The following PCSK6 variants were observed in gnomAD, a reference collection of about 807,000 sequenced individuals.
PCSK6 encodes the protein paired basic amino acid cleaving enzyme 4.
Under a neutral mutation model 123.3 loss-of-function variants are expected in PCSK6, and 85 were observed. The ratio of observed to expected loss-of-function variants is 0.69; its 90% CI spans 0.58 to 0.83. The LOEUF (loss-of-function observed/expected upper bound fraction) is 0.83. Ranked by LOEUF, PCSK6 falls within the 40% of genes least tolerant of loss-of-function variation. The probability of loss-of-function intolerance (pLI) is 0.00; values close to 1 mark genes in which losing one functional copy is unlikely to be tolerated. For synonymous variants in PCSK6, 508 were observed against 516.0 expected (o/e 0.98, Z 0.21); for missense variants, 1,191 against 1,282.3 (o/e 0.93, Z 1.09).
At chr15:101,379,518 T>G (rs1241952178) in intron 11 of PCSK6, among the ~76,000 whole-genome samples, 1 of 152,144 alleles carries the variant, frequency 6.6e-6, no homozygotes, top group African/African-American at 2.4e-5. Context: ...GAGGGGTGTA[T>G]AAAGAGGCAT....
At chr15:101,482,002 AC>A (rs1307532511) in intron 1 of PCSK6, among the ~76,000 whole-genome samples, 1 of 152,218 alleles carries the variant, frequency 6.6e-6, no homozygotes, top group African/African-American at 2.4e-5. Flanking sequence ...GTTCACGCAC[AC>A]GCATGTGCAC....
chr15:101,377,416 C>T (rs377578251), intron 11 of PCSK6, among the ~76,000 whole-genome samples: 27 of 152,314 alleles, frequency 1.8e-4, no homozygotes, highest in Admixed American at 1.0e-3. Context: ...AAGCAGCCTG[C>T]GGGAGCAGCT....
In PCSK6 at chr15:101,366,205, C is replaced by T; in HGVS notation, c.1849G>A (p.Glu617Lys). ...QDLPSQVRNP[E>K]KQGKLKEWSL... ...CCCAAGAGCCACTGACCTTGCTTCTCCGGGTTGCGGACCTGGGATGGCAGA... is the reference window on the plus strand; with the variant it reads ...CCCAAGAGCCACTGACCTTGCTTCTTCGGGTTGCGGACCTGGGATGGCAGA... Residue 617 changes from glutamate to lysine, a missense_variant, in exon 13 of 22, where the codon GAG (glutamate) becomes AAG (lysine). This residue lies in a region of PCSK6 where 630 missense variants were observed against 631.4 expected (regional missense o/e 1.00). Transcript: ENST00000611716. The T allele has an allele frequency of 6.2e-7, 1 of 1,612,356 alleles. No homozygotes were observed.
rs973140954 is a variant in PCSK6 at position 101,427,929 on chromosome 15, G to A, written c.786C>T (p.Tyr262=). The part of the protein sequence containing the change: ...GEVAASANNS[Y]CIVGIAYNAK... ...CATTGTACGCTATGCCCACGATGCA[G>A]TAGGAATTGTTTGCTGAAGCAGCAA... Residue 262 remains tyrosine (Y), a synonymous_variant, in exon 6 of 22, where the codon TAC becomes TAT. Transcript: ENST00000611716. The A allele has an allele frequency of 6.3e-7, 1 of 1,588,278 alleles. No homozygotes were observed. Among genetic ancestry groups the A allele is most frequent in the Admixed American group, 1.8e-5 (1 of 56,412 alleles).
intron 13 of PCSK6, among the ~76,000 whole-genome samples, chr15:101,338,257 G>A (rs2040527692): frequency 6.6e-6 from 1 of 152,138 alleles, no homozygotes; most frequent in South Asian, 2.1e-4. Context: ...GATGCTTATG[G>A]GTGACTTAGG....
intron 1 of PCSK6, among the ~76,000 whole-genome samples, chr15:101,468,828 C>T (rs1356781357): frequency 6.6e-6 from 1 of 152,210 alleles, no homozygotes; most frequent in African/African-American, 2.4e-5. Flanking sequence ...CACATCTGCA[C>T]TAGTGATGAC....
chr15:101,379,243 G>A (rs1038985752), intron 11 of PCSK6, among the ~76,000 whole-genome samples: 4 of 152,356 alleles, frequency 2.6e-5, no homozygotes, highest in Admixed American at 6.5e-5. Flanking sequence ...TCCAGCCCAC[G>A]GCTGGGGGTA....
chr15:101,386,336 A>G (rs1387664985), intron 9 of PCSK6, among the ~76,000 whole-genome samples: 1 of 151,784 alleles, frequency 6.6e-6, no homozygotes, highest in East Asian at 1.9e-4. Flanking sequence ...CCAGTGGCCC[A>G]CTCTGTGTGT....
intron 11 of PCSK6, among the ~76,000 whole-genome samples, chr15:101,375,495 C>G (rs1405645841): frequency 6.6e-6 from 1 of 152,198 alleles, no homozygotes; most frequent in East Asian, 1.9e-4. Flanking sequence ...ACAATTCAAC[C>G]TGAAGGGGAG....
intron 2 of PCSK6, among the ~76,000 whole-genome samples, chr15:101,434,900 A>T (rs1347673084): frequency 6.6e-6 from 1 of 152,078 alleles, no homozygotes; most frequent in Non-Finnish European, 1.5e-5. Context: ...CCTACCCACC[A>T]CAAAGAGAAA....
chr15:101,442,689 A>G (rs1344683999), intron 2 of PCSK6, among the ~76,000 whole-genome samples: 2 of 152,156 alleles, frequency 1.3e-5, no homozygotes, highest in Non-Finnish European at 2.9e-5. Context: ...ACAAACATCT[A>G]GTATATACGT....
In PCSK6 at chr15:101,434,768, G is replaced by A. The variant is rs2056548023; in HGVS notation, c.403-2668C>T. ...GGCTTCTCCGTGGAGACGGGATGCA[G>A]GCAGACAGCGCGGTGGCAGAGGCTG... On this transcript the variant is annotated intron_variant, in intron 2 of 21. Coordinates refer to ENST00000611716, the MANE Select transcript of PCSK6 (RefSeq NM_002570.5). 1.3e-5 allele frequency among the ~76,000 whole-genome samples: 2 copies of A among 150,776 alleles called. 1 individual carries two copies. The highest frequency in any genetic ancestry group is 2.9e-5 in the Non-Finnish European group (2 of 67,868).
At chr15:101,330,718 A>C (rs998862846) in intron 15 of PCSK6, among the ~76,000 whole-genome samples, 1 of 152,248 alleles carries the variant, frequency 6.6e-6, no homozygotes, top group Non-Finnish European at 1.5e-5. Flanking sequence ...TCCATTGTGC[A>C]AGGCTGAAGT....
intron 1 of PCSK6, 95 bp from the exon 2 acceptor site, chr15:101,443,755 GCTCATTCTCCCA>G: frequency 2.3e-6 from 2 of 857,328 alleles, no homozygotes; most frequent in Non-Finnish European, 4.0e-6. Context: ...TATCTGAGGG[GCTCATTCTCCCA>G]GAGGAAACAC....
At position 101,398,224 on chromosome 15, in the gene PCSK6, G is replaced by A. The variant is rs187251687; in HGVS notation, c.996+180C>T. ...AGGCAAAAACACTTCTGCTCTCGCC[G>A]GTCAAGAGCCACTTCTCAGACTCCC... On this transcript the variant is annotated intron_variant, in intron 7 of 21. Coordinates refer to ENST00000611716, the MANE Select transcript of PCSK6 (RefSeq NM_002570.5). This position sits in a 1 kb window ranked among gnomAD's most constrained non-coding sequence, Gnocchi z 4.6. 1.8e-4 allele frequency among the ~76,000 whole-genome samples: 27 copies of A among 152,296 alleles called. No homozygotes were observed. The highest frequency in any genetic ancestry group is 1.4e-3 in the Admixed American group (21 of 15,296).
At chr15:101,406,272 G>A (rs2042779243) in intron 6 of PCSK6, among the ~76,000 whole-genome samples, 3 of 152,176 alleles carry the variant, frequency 2.0e-5, no homozygotes, top group Admixed American at 2.0e-4. Flanking sequence ...TCCTGCCCGG[G>A]GGGATAACGG....
intron 6 of PCSK6, among the ~76,000 whole-genome samples, chr15:101,400,758 A>G (rs1428080551): frequency 6.6e-6 from 1 of 152,262 alleles, no homozygotes; most frequent in Non-Finnish European, 1.5e-5. Flanking sequence ...TTCACCCAGT[A>G]GCACATGGAT....
intron 1 of PCSK6, among the ~76,000 whole-genome samples, chr15:101,488,113 TA>T (rs1222811529): frequency 6.6e-6 from 1 of 152,184 alleles, no homozygotes; most frequent in African/African-American, 2.4e-5. Flanking sequence ...GATGCAGAAC[TA>T]ATGTCATTTC....
At chr15:101,366,733 T>C (rs2041405396) in intron 12 of PCSK6, among the ~76,000 whole-genome samples, 1 of 152,164 alleles carries the variant, frequency 6.6e-6, no homozygotes. Flanking sequence ...AGTGCCCGGA[T>C]GCACGAAAGC....
Sources: gnomAD v4.1 joint callset for allele counts (sites outside exome capture counted in the v4.1 genomes callset) on GRCh38, gnomAD v4.1.1 for gene constraint, gnomAD v4.1.1 regional missense constraint, Gnocchi (gnomAD v3.1) non-coding constraint, MANE v1.5 for transcripts, NCBI Gene and HGNC (gene_info 2026-07-23, HGNC 2026-07-21) for gene names.